FBN2: variants seen among roughly 807,000 people sequenced by gnomAD.
FBN2 encodes the protein fibrillin 2, also known as fibrillin-2.
In FBN2, 105 loss-of-function variants were observed where a neutral mutation model predicts 355.6. The observed-to-expected ratio is 0.30, with a 90% CI of 0.25 to 0.35. The LOEUF is 0.35. Ranked by LOEUF, FBN2 falls within the 10% of genes least tolerant of loss-of-function variation. The pLI, the probability that FBN2 is intolerant of heterozygous loss-of-function variation, is 1.00. For synonymous variants in FBN2, 1,350 were observed against 1,301.2 expected, an observed-to-expected ratio of 1.04 and a Z score of -0.81; for missense variants, 3,280 against 3,758.7, an observed-to-expected ratio of 0.87 and a Z score of 3.33.
chr5:128,295,266 G>A (rs1241036592), intron 48 of FBN2, among the ~76,000 whole-genome samples: 2 of 151,866 alleles, frequency 1.3e-5, no homozygotes, highest in Non-Finnish European at 2.9e-5. Context: ...AAGTCAGGTA[G>A]TGTGATGCCT....
chr5:128,324,864 C>T (rs571060205), intron 34 of FBN2, among the ~76,000 whole-genome samples: 8 of 152,192 alleles, frequency 5.3e-5, no homozygotes, highest in Non-Finnish European at 1.0e-4. Flanking sequence ...CATGATCCAC[C>T]GGCCTTGGCC....
intron 11 of FBN2, among the ~76,000 whole-genome samples, chr5:128,388,856 A>G (rs331070): frequency 0.88 from 134,466 of 152,154 alleles, 59,586 homozygotes; most frequent in East Asian, 1. Flanking sequence ...GGGGTACTCC[A>G]GACTTCCTGA....
At position 128,536,472 on chromosome 5, in the gene FBN2, G is replaced by T; in HGVS notation, c.267C>A (p.Cys89Ter). The change falls in exon 2 of 65, where the codon TGC (cysteine) becomes TGA (stop). Residue 89 changes from cysteine (C) to a stop codon, truncating the protein, a stop_gained. Transcript: ENST00000262464. LOFTEE classifies it high-confidence loss of function. ...QQDVLRGPNVCGSRFHSYCCP... is the reference protein window; with the variant it reads ...QQDVLRGPNV Reference sequence around the variant, plus strand: ...AGCAGTAGGAGTGGAATCTGGAGCCGCACACGTTGGGCCTGTGATGGACAA... The same window carrying T: ...AGCAGTAGGAGTGGAATCTGGAGCCTCACACGTTGGGCCTGTGATGGACAA... 1 of 1,613,550 alleles carries T rather than the reference G, an allele frequency of 6.2e-7. No homozygotes were observed. Among genetic ancestry groups the T allele is most frequent in the Non-Finnish European group, 8.5e-7 (1 of 1,179,696 alleles).
Position 128,335,244 on chromosome 5 carries a change from G to C in FBN2, c.3899C>G (p.Thr1300Ser). The C allele has an allele frequency of 2.5e-6, 4 of 1,614,042 alleles. No individual in the cohort carries two copies. The highest frequency in any genetic ancestry group is 3.4e-6 in the Non-Finnish European group (4 of 1,179,968). ...GCAGCGATACTCTCCAGGAATGTTG[G>C]TACACTGGCCGCCATCACAGATATC... Reference protein sequence around the residue: ...NPDICDGGQCTNIPGEYRCLC... With the variant: ...NPDICDGGQCSNIPGEYRCLC... The change falls in exon 30 of 65, where the codon ACC (threonine) becomes AGC (serine). Residue 1300 changes from threonine to serine, a missense_variant. Around this residue, in one of 6 missense-constraint regions of FBN2, gnomAD observed 2,284 missense variants for 2,749.5 expected, o/e 0.83. Coordinates refer to ENST00000262464, the MANE Select transcript of FBN2 (RefSeq NM_001999.4).
intron 2 of FBN2, among the ~76,000 whole-genome samples, chr5:128,535,048 C>A (rs1581377945): frequency 6.6e-6 from 1 of 152,354 alleles, no homozygotes; most frequent in Admixed American, 6.5e-5. Flanking sequence ...ACCCACCCTC[C>A]ATTAATGCCT....
intron 45 of FBN2, among the ~76,000 whole-genome samples, chr5:128,304,143 G>A (rs952141061): frequency 1.3e-5 from 2 of 152,164 alleles, no homozygotes; most frequent in Non-Finnish European, 2.9e-5. Context: ...ATCAAGAGTA[G>A]CTGAACAGCC....
chr5:128,384,545 G>C (rs1202652183), intron 11 of FBN2, among the ~76,000 whole-genome samples: 1 of 151,984 alleles, frequency 6.6e-6, no homozygotes, highest in African/African-American at 2.4e-5. Flanking sequence ...TGTCTTCTTG[G>C]GCTTACAGAC....
intron 41 of FBN2, among the ~76,000 whole-genome samples, chr5:128,308,568 T>C (rs796304086): frequency 7.2e-5 from 11 of 152,306 alleles, no homozygotes; most frequent in African/African-American, 2.6e-4. Context: ...TTATTAAAAG[T>C]TGCCATTCTC....
At chr5:128,517,847 A>G (rs1310320196) in intron 5 of FBN2, among the ~76,000 whole-genome samples, 1 of 152,214 alleles carries the variant, frequency 6.6e-6, no homozygotes, top group African/African-American at 2.4e-5. Flanking sequence ...TAGTTTCACA[A>G]TAAAGAAAGT....
intron 6 of FBN2, among the ~76,000 whole-genome samples, chr5:128,462,313 C>G (rs1754580831): frequency 6.6e-6 from 1 of 151,844 alleles, no homozygotes; most frequent in Non-Finnish European, 1.5e-5. Flanking sequence ...TTTTTTCATG[C>G]CCCATCTCTT....
chr5:128,446,463 C>T lies in FBN2; in HGVS notation c.952+18G>A. 6.2e-7 allele frequency: 1 copy of T among 1,613,020 alleles called. No homozygotes were observed. Among genetic ancestry groups the T allele is most frequent in the Admixed American group, 1.7e-5 (1 of 59,994 alleles). ...TAAAGTCACAATTAGGCATGCTTCC[C>T]AAAGTAGAGAGACTCACCTTCACAT... On this transcript the variant is annotated intron_variant, in intron 7 of 64. Coordinates refer to ENST00000262464, the MANE Select transcript of FBN2 (RefSeq NM_001999.4).
In FBN2 at chr5:128,303,160, T is replaced by C. The variant is rs76722018; in HGVS notation, c.5801-71A>G. On this transcript the variant is annotated intron_variant, in intron 45 of 64. Coordinates refer to ENST00000262464, the MANE Select transcript of FBN2 (RefSeq NM_001999.4). ...AAAATGGGCTATTAACCGTTTTATATGTTTAACTTATGGAATTACTTAGAT... is the reference window on the plus strand; with the variant it reads ...AAAATGGGCTATTAACCGTTTTATACGTTTAACTTATGGAATTACTTAGAT... 5,907 of 871,236 alleles carry C rather than the reference T, an allele frequency of 6.8e-3. 138 individuals carry two copies. The highest frequency in any genetic ancestry group is 0.058 in the African/African-American group (3,508 of 60,682). The allele number at this position is 871,236 out of a possible 1,614,324, so 54.0% of individuals were successfully genotyped here. A position where few individuals can be genotyped will look rare whatever the true frequency, so the allele number is the denominator to read the frequency against.
intron 48 of FBN2, among the ~76,000 whole-genome samples, chr5:128,294,041 T>C (rs1056925419): frequency 2.7e-4 from 40 of 150,062 alleles, no homozygotes; most frequent in Non-Finnish European, 4.9e-4. Flanking sequence ...CCTGTGTCCA[T>C]GTGTTCTCAT....
chr5:128,392,202 T>G (rs1752534677), intron 10 of FBN2, 47 bp from the exon 11 acceptor site: 1 of 1,551,814 alleles, frequency 6.4e-7, no homozygotes, highest in Admixed American at 1.7e-5. Flanking sequence ...ACAACATGCA[T>G]TACTTTTCTG....
chr5:128,441,240 G>C (rs1753910822), intron 7 of FBN2, among the ~76,000 whole-genome samples: 1 of 152,090 alleles, frequency 6.6e-6, no homozygotes. Flanking sequence ...TTCTGGCCAG[G>C]GTACTACCAC....
At chr5:128,316,550 C>T (rs255725) in intron 36 of FBN2, among the ~76,000 whole-genome samples, 120,607 of 152,044 alleles carry the variant, frequency 0.79, 48,079 homozygotes, top group East Asian at 0.93. Flanking sequence ...TGATTATACA[C>T]TGACAGTTAA....
intron 3 of FBN2, among the ~76,000 whole-genome samples, chr5:128,529,926 T>C (rs1364368201): frequency 6.6e-6 from 1 of 152,208 alleles, no homozygotes; most frequent in Non-Finnish European, 1.5e-5. Flanking sequence ...TCAGACATAC[T>C]ATATTACCTT....
intron 48 of FBN2, among the ~76,000 whole-genome samples, chr5:128,299,148 G>A (rs959764717): frequency 6.6e-6 from 1 of 151,958 alleles, no homozygotes; most frequent in South Asian, 2.1e-4. Context: ...GCTGCTCGGG[G>A]GTCAGGGGTC....
chr5:128,354,901 T>C (rs1561786374), intron 20 of FBN2, among the ~76,000 whole-genome samples: 1 of 152,104 alleles, frequency 6.6e-6, no homozygotes, highest in Non-Finnish European at 1.5e-5. Context: ...AAATCTGGAA[T>C]TGGTGGCAAG....
Sources: allele counts gnomAD v4.1 joint callset (sites outside exome capture counted in the v4.1 genomes callset), GRCh38; gene constraint gnomAD v4.1.1; regional missense constraint gnomAD v4.1.1; transcripts MANE v1.5; gene names NCBI Gene and HGNC (gene_info 2026-07-23, HGNC 2026-07-21).